EHD3: variants seen among roughly 807,000 people sequenced by gnomAD.
EHD3 encodes EH domain containing 3.
A neutral mutation model predicts 43.0 loss-of-function variants in EHD3; 17 were observed. That is an observed-to-expected ratio of 0.40 (90% CI 0.27 to 0.59). The LOEUF (loss-of-function observed/expected upper bound fraction) is 0.59. Among genes scored for constraint, EHD3 ranks in the 20% least tolerant of loss-of-function variants. EHD3 has a pLI of 0.49. For missense variants in EHD3, 594 were observed against 705.6 expected (o/e 0.84, Z 1.79); for synonymous variants, 313 against 289.5 (o/e 1.08, Z -0.82).
chr2:31,261,537 CCT>C lies in EHD3; in HGVS notation c.916-11_916-10del. ...CTTGATGTGAAGGCTTCTCTCTGGC[CCT>C]GTTTGTCAGGTCCACGCCTACATCA... On this transcript the variant is annotated splice_polypyrimidine_tract_variant and intron_variant, in intron 4 of 5. Coordinates refer to ENST00000322054, the MANE Select transcript of EHD3 (RefSeq NM_014600.3). 1 of 1,613,932 alleles carries C rather than the reference CCT, an allele frequency of 6.2e-7. No individual in the cohort carries two copies. The highest frequency in any genetic ancestry group is 8.5e-7 in the Non-Finnish European group (1 of 1,179,914).
At chr2:31,247,463 T>A (rs1683549631) in intron 2 of EHD3, among the ~76,000 whole-genome samples, 1 of 152,190 alleles carries the variant, frequency 6.6e-6, no homozygotes, top group Admixed American at 6.5e-5. Flanking sequence ...AAATCTGTGA[T>A]TTCAATGAAT....
rs1278599932 is a variant in EHD3 at position 31,269,385 on chromosome 2, A to G, written c.*2681A>G. ...AACTGAAATGCGGGTTAGTTGCTCA[A>G]TGTATGCAAAGTCCCACGGACAAGA... On this transcript the variant is annotated 3_prime_UTR_variant, in exon 6 of 6. Transcript: ENST00000322054. 1 of 152,238 alleles carries G rather than the reference A, an allele frequency of 6.6e-6. No homozygotes were observed. Among genetic ancestry groups the G allele is most frequent in the Admixed American group, 6.5e-5 (1 of 15,286 alleles). 9.4% of individuals were successfully genotyped at this position (152,238 alleles called of 1,614,324 possible). A position where few individuals can be genotyped will look rare whatever the true frequency, so the allele number is the denominator to read the frequency against.
intron 2 of EHD3, among the ~76,000 whole-genome samples, chr2:31,248,578 A>T (rs898918152): frequency 6.6e-6 from 1 of 152,110 alleles, no homozygotes; most frequent in Non-Finnish European, 1.5e-5. Flanking sequence ...CTGCCTCACA[A>T]TCATCCAGGG....
At chr2:31,245,730 T>C (rs1230630521) in intron 2 of EHD3, among the ~76,000 whole-genome samples, 1 of 144,280 alleles carries the variant, frequency 6.9e-6, no homozygotes, top group Non-Finnish European at 1.5e-5. Flanking sequence ...CCCGACTAAT[T>C]TTGTGTTTTT....
In EHD3 at chr2:31,266,028, T is replaced by A; in HGVS notation, c.1081-149T>A. 2 of 1,001,510 alleles carry A rather than the reference T, an allele frequency of 2.0e-6. No homozygotes were observed. The highest frequency in any genetic ancestry group is 2.8e-6 in the Non-Finnish European group (2 of 703,802). 62.0% of individuals were successfully genotyped at this position (1,001,510 alleles called of 1,614,324 possible). The stretch of plus-strand genomic sequence containing the variant: ...TCTCATACCTTCGATTACCACGTGA[T>A]GTCCATCAGCTGAGCCTCTAGGTCA... On this transcript the variant is annotated intron_variant, in intron 5 of 5. Transcript: ENST00000322054. The surrounding 1 kb of genome is among the most constrained non-coding windows in gnomAD (Gnocchi z 5.1).
Position 31,234,575 on chromosome 2 carries a change from A to T in EHD3, c.-47A>T. On this transcript the variant is annotated 5_prime_UTR_variant, in exon 1 of 6. Transcript: ENST00000322054. ...TCCTACGGGACATCTTCCCCTGAGG[A>T]GGAGTCTTCCCCTGGGGCTGCGTGC... 6.2e-7 allele frequency: 1 copy of T among 1,600,792 alleles called. No individual in the cohort carries two copies. The highest frequency in any genetic ancestry group is 1.1e-5 in the South Asian group (1 of 90,686).
chr2:31,256,097 A>G (rs902656068), intron 3 of EHD3, among the ~76,000 whole-genome samples: 1 of 152,146 alleles, frequency 6.6e-6, no homozygotes, highest in Non-Finnish European at 1.5e-5. Flanking sequence ...AGGACTAGAG[A>G]GGGGAGATTC....
In EHD3 at chr2:31,260,909, C is replaced by T. The variant is rs767679000; in HGVS notation, c.902C>T (p.Ala301Val). 2.5e-6 allele frequency: 4 copies of T among 1,605,826 alleles called. No homozygotes were observed. In the South Asian group the frequency reaches 4.5e-5, roughly 18 times the overall value. The change falls in exon 4 of 6, where the codon GCC becomes GTC. Residue 301 changes from alanine to valine, a missense_variant. Transcript: ENST00000322054. The surrounding 1 kb of genome is among the most constrained non-coding windows in gnomAD (Gnocchi z 4.6). ...AAGCTCAACGACCTCATCAAAAGGG[C>T]CAGGCTGGCCAAGGTGAGGCAGCCC... ...LRKLNDLIKR[A>V]RLAKVHAYII...
intron 3 of EHD3, among the ~76,000 whole-genome samples, chr2:31,259,466 G>T (rs565682386): frequency 6.6e-6 from 1 of 152,276 alleles, no homozygotes; most frequent in East Asian, 1.9e-4. Context: ...GCTCCTACTG[G>T]ATCCACAGCT....
In EHD3 at chr2:31,265,165, G is replaced by A. The variant is rs191412118; in HGVS notation, c.1081-1012G>A. On this transcript the variant is annotated intron_variant, in intron 5 of 5. Coordinates refer to ENST00000322054, the MANE Select transcript of EHD3 (RefSeq NM_014600.3). The stretch of plus-strand genomic sequence containing the variant: ...ATTCCTCCTGAAGGGCCTGCCTGAG[G>A]TTGTTTTACTGTTAACATTTTTTTT... Among the ~76,000 whole-genome samples, 5 of 152,214 alleles carry A rather than the reference G, an allele frequency of 3.3e-5. No homozygotes were observed. In the East Asian group the frequency reaches 7.7e-4, roughly 24 times the overall value.
At chr2:31,249,270 C>A (rs1215823736) in intron 2 of EHD3, 101 bp from the exon 3 acceptor site, 2 of 1,060,054 alleles carry the variant, frequency 1.9e-6, no homozygotes, top group Non-Finnish European at 2.8e-6. Context: ...TCAGGATGCA[C>A]CTGCAGCTCA....
intron 1 of EHD3, among the ~76,000 whole-genome samples, chr2:31,236,964 GAGACAGTA>G (rs1271871938): frequency 1.3e-5 from 2 of 152,186 alleles, no homozygotes; most frequent in African/African-American, 4.8e-5. Flanking sequence ...TCATCTGAGG[GAGACAGTA>G]AGACCGGGAG....
At chr2:31,236,367 C>A (rs1683324844) in intron 1 of EHD3, among the ~76,000 whole-genome samples, 1 of 152,214 alleles carries the variant, frequency 6.6e-6, no homozygotes, top group African/African-American at 2.4e-5. Context: ...TCCATTGCTT[C>A]TTAACTTTCT....
intron 3 of EHD3, among the ~76,000 whole-genome samples, chr2:31,252,698 G>C (rs1200179334): frequency 1.3e-5 from 2 of 152,084 alleles, no homozygotes; most frequent in Non-Finnish European, 2.9e-5. Context: ...CTTTGTCTTT[G>C]GACCCCAGTG....
intron 2 of EHD3, among the ~76,000 whole-genome samples, chr2:31,246,130 G>A (rs1206154900): frequency 6.6e-6 from 1 of 152,138 alleles, no homozygotes; most frequent in Non-Finnish European, 1.5e-5. Context: ...TGAAGCTGAG[G>A]TCCCTTTAGG....
intron 3 of EHD3, among the ~76,000 whole-genome samples, chr2:31,257,866 G>A (rs1683781350): frequency 6.6e-6 from 1 of 152,106 alleles, no homozygotes; most frequent in Non-Finnish European, 1.5e-5. Flanking sequence ...AAAAGAGAAG[G>A]CAAAATCTAG....
At chr2:31,236,407 A>T (rs936914537) in intron 1 of EHD3, among the ~76,000 whole-genome samples, 1 of 152,174 alleles carries the variant, frequency 6.6e-6, no homozygotes, top group African/African-American at 2.4e-5. Context: ...TACATCCCAA[A>T]TTTGCATATA....
chr2:31,263,247 G>A (rs933709104), intron 5 of EHD3, among the ~76,000 whole-genome samples: 3 of 152,110 alleles, frequency 2.0e-5, no homozygotes, highest in Non-Finnish European at 4.4e-5. Context: ...TCAGCTCTTC[G>A]CTTCTGCTTT....
chr2:31,234,963 C>A, intron 1 of EHD3, 115 bp downstream of exon 1: 1 of 959,814 alleles, frequency 1.0e-6, no homozygotes, highest in Non-Finnish European at 1.6e-6. Context: ...CAGTTGAGGG[C>A]TCTGAAGAGA....
Sources: gnomAD v4.1 joint callset for allele counts (sites outside exome capture counted in the v4.1 genomes callset) on GRCh38, gnomAD v4.1.1 for gene constraint, Gnocchi (gnomAD v3.1) non-coding constraint, MANE v1.5 for transcripts, NCBI Gene and HGNC (gene_info 2026-07-23, HGNC 2026-07-21) for gene names.